The following ANKRD11 variants were observed in gnomAD, a reference collection of about 807,000 sequenced individuals.
ANKRD11 encodes ankyrin repeat domain 11, also known as ankyrin repeat domain-containing protein 11.
A neutral mutation model predicts 195.7 loss-of-function variants in ANKRD11; 17 were observed. That is an observed-to-expected ratio of 0.09 (90% confidence interval 0.06 to 0.13). ANKRD11 has a LOEUF of 0.13. ANKRD11 is among the 10% of genes least tolerant of loss of function. ANKRD11 has a pLI of 1.00. For synonymous variants in ANKRD11, 1,953 were observed against 1,528.1 expected (o/e 1.28, Z -6.49); for missense variants, 3,735 against 3,566.1 (o/e 1.05, Z -1.21).
chr16:89,288,868 G>A, intron 6 of ANKRD11, 198 bp from the exon 7 acceptor site: 1 of 696,546 alleles, frequency 1.4e-6, no homozygotes, highest in Non-Finnish European at 2.5e-6. Context: ...CACCTCGTTA[G>A]CACGATCCAT....
At chr16:89,317,550 T>C (rs1208557156) in intron 2 of ANKRD11, among the ~76,000 whole-genome samples, 1 of 152,076 alleles carries the variant, frequency 6.6e-6, no homozygotes, top group Non-Finnish European at 1.5e-5. Context: ...ACTCACCACC[T>C]GGGAAGGAGC....
At chr16:89,324,154 A>T in intron 2 of ANKRD11, 1 of 1,026,978 alleles carries the variant, frequency 9.7e-7, no homozygotes, top group South Asian at 1.7e-5. Context: ...CCCTGTTTCC[A>T]CTCACATTTT....
At chr16:89,451,822 A>T (rs1472570862) in intron 1 of ANKRD11, among the ~76,000 whole-genome samples, 3 of 152,204 alleles carry the variant, frequency 2.0e-5, no homozygotes, top group African/African-American at 7.2e-5. Flanking sequence ...TGAATCTTAA[A>T]AACTGAAAAA....
intron 2 of ANKRD11, among the ~76,000 whole-genome samples, chr16:89,346,742 G>C (rs1228657850): frequency 1.3e-5 from 2 of 152,214 alleles, no homozygotes; most frequent in African/African-American, 4.8e-5. Context: ...GTGGTTGTTA[G>C]AGGGAAATGT....
chr16:89,426,254 T>G (rs987876422), intron 1 of ANKRD11, among the ~76,000 whole-genome samples: 7 of 150,936 alleles, frequency 4.6e-5, no homozygotes, highest in African/African-American at 1.7e-4. Flanking sequence ...TACCTGAAAA[T>G]TAGAGGAGGA....
chr16:89,288,279 C>G, intron 7 of ANKRD11: 1 of 663,324 alleles, frequency 1.5e-6, no homozygotes. Flanking sequence ...CAGACCTACA[C>G]GGCTAGCGGA....
At chr16:89,286,388 T>G in intron 7 of ANKRD11, 1 of 751,816 alleles carries the variant, frequency 1.3e-6, no homozygotes, top group Non-Finnish European at 2.2e-6. Context: ...GGCTCCTCTG[T>G]GGGAAGGGCT....
intron 1 of ANKRD11, among the ~76,000 whole-genome samples, chr16:89,447,410 G>A (rs1237251550): frequency 6.6e-6 from 1 of 152,122 alleles, no homozygotes; most frequent in East Asian, 1.9e-4. Context: ...CACATAGCAC[G>A]ATCTAGAGTG....
intron 4 of ANKRD11, among the ~76,000 whole-genome samples, chr16:89,293,563 A>AGGAGC: frequency 3.4e-5 from 1 of 29,516 alleles, no homozygotes; most frequent in African/African-American, 1.4e-4. Flanking sequence ...CTGGGGCGGT[A>AGGAGC]TTGGGGCTGC....
rs1016005906 is a variant in ANKRD11 at position 89,290,689 on chromosome 16, C to A, written c.537G>T (p.Gly179=). 6.2e-6 allele frequency: 10 copies of A among 1,613,940 alleles called. No individual in the cohort carries two copies. Among genetic ancestry groups the A allele is most frequent in the Non-Finnish European group, 6.8e-6 (8 of 1,180,032 alleles). The change falls in exon 6 of 13, where the codon GGG becomes GGT. Residue 179 remains glycine (G), a synonymous_variant. Transcript: ENST00000301030. ...ETRLHRAAIR[G]DARRIKELIS... ...TGAGCTCTTTGATGCGCCGGGCGTC[C>A]CCGCGGATGGCGGCTCGGTGCAGGC...
chr16:89,485,317 C>G (rs2057572809), intron 1 of ANKRD11, among the ~76,000 whole-genome samples: 1 of 141,854 alleles, frequency 7.0e-6, no homozygotes, highest in Non-Finnish European at 1.5e-5. Context: ...AACCCCATCT[C>G]TACTTTAAAA....
At chr16:89,445,762 G>A (rs111320705) in intron 1 of ANKRD11, among the ~76,000 whole-genome samples, 4,280 of 152,024 alleles carry the variant, frequency 0.028, 98 homozygotes, top group Middle Eastern at 0.058. Context: ...ATCACCTGAG[G>A]TCAGGAGTTC....
chr16:89,320,400 A>G (rs889574), intron 2 of ANKRD11: 102,141 of 152,106 alleles, frequency 0.67, 34,325 homozygotes, highest in Middle Eastern at 0.77. Flanking sequence ...CGACCCTTGA[A>G]TCAGCAGGAA....
In ANKRD11 at chr16:89,315,977, G is replaced by A. The variant is rs1292933874; in HGVS notation, c.87+956C>T. ...GACCAGAAGGCGGCCCAGAGCAACCGGCAACCAGGAACACACTGAGGGGAC... is the reference window on the plus strand; with the variant it reads ...GACCAGAAGGCGGCCCAGAGCAACCAGCAACCAGGAACACACTGAGGGGAC... On this transcript the variant is annotated intron_variant, in intron 3 of 12. Transcript: ENST00000301030. Among the ~76,000 whole-genome samples the A allele has an allele frequency of 2.0e-5, 3 of 152,122 alleles. No individual in the cohort carries two copies. The South Asian group carries it at 6.2e-4, about 32-fold the overall frequency.
Position 89,285,944 on chromosome 16 carries a change from G to A in ANKRD11, c.892+95C>T. 6.3e-7 allele frequency: 1 copy of A among 1,585,890 alleles called. No individual in the cohort carries two copies. The highest frequency in any genetic ancestry group is 8.6e-7 in the Non-Finnish European group (1 of 1,159,320). On this transcript the variant is annotated intron_variant, in intron 8 of 12. Coordinates refer to ENST00000301030, the MANE Select transcript of ANKRD11 (RefSeq NM_013275.6). This position sits in a 1 kb window ranked among gnomAD's most constrained non-coding sequence, Gnocchi z 5.6. ...CTGTAAGCCCCCAGCATCCGAGGAG[G>A]AGCTGATCAGAGGGGCAACACTGTG...
chr16:89,356,267 G>C (rs2039468454), intron 2 of ANKRD11, among the ~76,000 whole-genome samples: 1 of 151,622 alleles, frequency 6.6e-6, no homozygotes, highest in South Asian at 2.1e-4. Context: ...ACGTCCAAAG[G>C]AGACATCTTT....
At position 89,283,210 on chromosome 16, in the gene ANKRD11, T is replaced by C; in HGVS notation, c.3332A>G (p.Lys1111Arg). 6.2e-7 allele frequency: 1 copy of C among 1,614,200 alleles called. No individual in the cohort carries two copies. The highest frequency in any genetic ancestry group is 8.5e-7 in the Non-Finnish European group (1 of 1,180,052). ...EKKDDKKGKE[K>R]SWYIADIFTD... ...GAAGATGTCTGCGATGTACCAGCTT[T>C]TCTCTTTGCCTTTCTTGTCATCTTT... The change falls in exon 9 of 13, where the codon AAA becomes AGA. Residue 1111 changes from lysine (K) to arginine (R), a missense_variant. Physicochemically the swap from Lys to Arg is conservative, Grantham distance 26. Transcript: ENST00000301030. The surrounding 1 kb of genome is among the most constrained non-coding windows in gnomAD (Gnocchi z 4.3).
intron 2 of ANKRD11, among the ~76,000 whole-genome samples, chr16:89,415,530 C>A (rs547255548): frequency 1.3e-5 from 2 of 151,950 alleles, no homozygotes; most frequent in East Asian, 3.9e-4. Flanking sequence ...TCCCAAAGTG[C>A]TGGGATTACA....
At chr16:89,344,146 G>C (rs1384775347) in intron 2 of ANKRD11, among the ~76,000 whole-genome samples, 1 of 152,182 alleles carries the variant, frequency 6.6e-6, no homozygotes, top group East Asian at 1.9e-4. Flanking sequence ...TCTGTGCTCT[G>C]GGAGGAGCAC....
Sources: gnomAD v4.1 joint callset for allele counts (sites outside exome capture counted in the v4.1 genomes callset) on GRCh38, gnomAD v4.1.1 for gene constraint, Gnocchi (gnomAD v3.1) non-coding constraint, MANE v1.5 for transcripts, NCBI Gene and HGNC (gene_info 2026-07-23, HGNC 2026-07-21) for gene names.